WWOX: variants seen among roughly 807,000 people sequenced by gnomAD.
The protein encoded by WWOX is WW domain-containing oxidoreductase.
A neutral mutation model predicts 46.2 loss-of-function variants in WWOX; 69 were observed. The observed-to-expected ratio is 1.49, with a 90% CI of 1.23 to 1.82. The LOEUF is 1.82. Ranked by LOEUF, WWOX falls within the 40% of genes most tolerant of loss-of-function variation. The pLI is 0.00. For missense variants in WWOX, 919 were observed against 542.6 expected (o/e 1.69, Z -6.89); for synonymous variants, 359 against 202.6 (o/e 1.77, Z -6.56).
chr16:78,707,604 C>A (rs926018183), intron 8 of WWOX, among the ~76,000 whole-genome samples: 6 of 151,998 alleles, frequency 3.9e-5, no homozygotes, highest in Non-Finnish European at 8.8e-5. Flanking sequence ...TTTTTAAGGC[C>A]CAGCATGGTG....
intron 8 of WWOX, among the ~76,000 whole-genome samples, chr16:79,156,930 T>A (rs754244003): frequency 6.6e-6 from 1 of 152,188 alleles, no homozygotes; most frequent in African/African-American, 2.4e-5. Context: ...ATTTACAATA[T>A]GTGAATTATC....
At chr16:78,948,206 C>G (rs1010655814) in intron 8 of WWOX, among the ~76,000 whole-genome samples, 1 of 152,184 alleles carries the variant, frequency 6.6e-6, no homozygotes, top group African/African-American at 2.4e-5. Context: ...TGCAGACTTG[C>G]TCAAGACCTG....
At chr16:79,163,751 C>T (rs1047631640) in intron 8 of WWOX, among the ~76,000 whole-genome samples, 1 of 143,606 alleles carries the variant, frequency 7.0e-6, no homozygotes, top group African/African-American at 2.7e-5. Context: ...GAGCTGAGAT[C>T]GTGCCATTGC....
chr16:79,182,673 C>G (rs1358493375), intron 8 of WWOX, among the ~76,000 whole-genome samples: 2 of 152,084 alleles, frequency 1.3e-5, no homozygotes, highest in African/African-American at 2.4e-5. Flanking sequence ...CTTGTGACAC[C>G]GGGCAAGTTA....
chr16:78,547,080 A>G (rs553023585), intron 8 of WWOX, among the ~76,000 whole-genome samples: 4 of 144,880 alleles, frequency 2.8e-5, no homozygotes, highest in African/African-American at 5.1e-5. Context: ...GTGAGCCAAG[A>G]TCATGCCACT....
chr16:79,114,196 C>T (rs893382503), intron 8 of WWOX, among the ~76,000 whole-genome samples: 3 of 152,026 alleles, frequency 2.0e-5, no homozygotes, highest in African/African-American at 7.2e-5. Context: ...TGCATCCCCC[C>T]AGAAGATATG....
At chr16:78,324,440 G>A (rs769405692) in intron 5 of WWOX, among the ~76,000 whole-genome samples, 2 of 152,004 alleles carry the variant, frequency 1.3e-5, no homozygotes, top group Non-Finnish European at 2.9e-5. Context: ...TCCTAGGTAC[G>A]TATCAAAGAG....
intron 5 of WWOX, among the ~76,000 whole-genome samples, chr16:78,270,046 C>T (rs1475540561): frequency 1.3e-5 from 2 of 150,376 alleles, no homozygotes; most frequent in Admixed American, 1.3e-4. Flanking sequence ...GATGTCATAT[C>T]TAACTTTTGA....
chr16:78,820,340 G>A (rs1044857066), intron 8 of WWOX, among the ~76,000 whole-genome samples: 1 of 152,184 alleles, frequency 6.6e-6, no homozygotes, highest in South Asian at 2.1e-4. Flanking sequence ...TCCAACAGTG[G>A]AAGTGGTGCC....
chr16:78,594,429 G>GCCCCCCCACCCCCCCCCCCCCCC (rs2045429645), intron 8 of WWOX, among the ~76,000 whole-genome samples: 1 of 32,380 alleles, frequency 3.1e-5, no homozygotes, highest in Non-Finnish European at 5.2e-5. Context: ...CTGAGGAAAG[G>GCCCCCCCACCCCCCCCCCCCCCC]CCCCCCCCCC....
At chr16:78,253,244 T>G (rs2038033763) in intron 5 of WWOX, among the ~76,000 whole-genome samples, 1 of 152,228 alleles carries the variant, frequency 6.6e-6, no homozygotes, top group Non-Finnish European at 1.5e-5. Context: ...AAGTACTCTT[T>G]CCATCATATA....
intron 5 of WWOX, among the ~76,000 whole-genome samples, chr16:78,347,165 CT>C (rs1205744466): frequency 2.5e-5 from 3 of 118,442 alleles, no homozygotes; most frequent in Admixed American, 2.5e-4. Context: ...TTCTTTTAAA[CT>C]TTGTCTTCCT....
chr16:78,634,826 G>A (rs1293896894), intron 8 of WWOX, among the ~76,000 whole-genome samples: 1 of 110,410 alleles, frequency 9.1e-6, no homozygotes, highest in African/African-American at 3.8e-5. Flanking sequence ...GAGAGAGAGA[G>A]AGAGAGAGAG....
intron 8 of WWOX, among the ~76,000 whole-genome samples, chr16:78,621,120 G>A (rs1054573629): frequency 6.6e-6 from 1 of 152,120 alleles, no homozygotes; most frequent in Non-Finnish European, 1.5e-5. Flanking sequence ...AAAATGCTGG[G>A]TTTTAATGGG....
At chr16:78,275,467 A>G (rs2079560368) in intron 5 of WWOX, among the ~76,000 whole-genome samples, 1 of 152,248 alleles carries the variant, frequency 6.6e-6, no homozygotes, top group Non-Finnish European at 1.5e-5. Flanking sequence ...CATCCCCTGC[A>G]GTAACTGGCT....
chr16:78,557,203 C>A (rs1247056961), intron 8 of WWOX, among the ~76,000 whole-genome samples: 1 of 151,090 alleles, frequency 6.6e-6, no homozygotes, highest in Non-Finnish European at 1.5e-5. Context: ...AGCTTGCTAA[C>A]ACAGGGAAAG....
chr16:78,927,803 G>T (rs1194755997), intron 8 of WWOX, among the ~76,000 whole-genome samples: 1 of 152,126 alleles, frequency 6.6e-6, no homozygotes, highest in East Asian at 1.9e-4. Flanking sequence ...TTGAATAAAT[G>T]TCTTTCTTTG....
Position 78,432,734 on chromosome 16 carries a change from G to T in WWOX, c.1038G>T (p.Arg346Ser), listed in dbSNP as rs781040616. ...WVYTLLFTLA[R>S]PFTKSMQQGA... is the part of the protein sequence containing the mutation. Reference sequence around the variant, plus strand: ...ACACACTGCTGTTTACCTTGGCGAGGCCTTTCACCAAGTCCATGGTAAGAG... The same window carrying T: ...ACACACTGCTGTTTACCTTGGCGAGTCCTTTCACCAAGTCCATGGTAAGAG... Residue 346 changes from arginine to serine, a missense_variant, in exon 8 of 9, where the codon AGG becomes AGT. Arg to Ser is a moderately radical substitution (Grantham distance 110). Coordinates refer to ENST00000566780, the MANE Select transcript of WWOX (RefSeq NM_016373.4). The T allele has an allele frequency of 8.7e-6, 14 of 1,614,040 alleles. No individual in the cohort carries two copies. The highest frequency in any genetic ancestry group is 1.7e-5 in the Admixed American group (1 of 60,002).
At chr16:78,410,814 A>G (rs1323991691) in intron 6 of WWOX, among the ~76,000 whole-genome samples, 2 of 151,748 alleles carry the variant, frequency 1.3e-5, no homozygotes, top group Non-Finnish European at 2.9e-5. Context: ...TCAAAAAAAA[A>G]AAAAAAAAAA....
Sources: allele counts gnomAD v4.1 joint callset (sites outside exome capture counted in the v4.1 genomes callset), GRCh38; gene constraint gnomAD v4.1.1; transcripts MANE v1.5; gene names NCBI Gene and HGNC (gene_info 2026-07-23, HGNC 2026-07-21).